The following CNBD1 variants were observed in gnomAD, a reference collection of about 807,000 sequenced individuals.
CNBD1 encodes cyclic nucleotide-binding domain-containing protein 1.
A neutral mutation model predicts 54.4 loss-of-function variants in CNBD1; 71 were observed. The ratio of observed to expected loss-of-function variants is 1.30; its 90% CI spans 1.08 to 1.59. The LOEUF is 1.59. Ranked by LOEUF, CNBD1 falls within the 40% of genes most tolerant of loss-of-function variation. The pLI is 0.00. For synonymous variants in CNBD1, 182 were observed against 170.7 expected (o/e 1.07, Z -0.51); for missense variants, 659 against 518.0 (o/e 1.27, Z -2.64).
At chr8:86,931,483 T>TC (rs991171703) in intron 3 of CNBD1, among the ~76,000 whole-genome samples, 1 of 151,826 alleles carries the variant, frequency 6.6e-6, no homozygotes, top group Non-Finnish European at 1.5e-5. Flanking sequence ...TGCACATTTT[T>TC]TTTTAAGTGT....
At chr8:87,258,493 G>A (rs763298376) in intron 6 of CNBD1, among the ~76,000 whole-genome samples, 7 of 151,344 alleles carry the variant, frequency 4.6e-5, no homozygotes, top group African/African-American at 1.7e-4. Context: ...GTATGATCTC[G>A]ACTCACTGCA....
intron 8 of CNBD1, among the ~76,000 whole-genome samples, chr8:87,293,595 C>G (rs951610372): frequency 1.3e-5 from 2 of 152,130 alleles, no homozygotes; most frequent in Non-Finnish European, 2.9e-5. Flanking sequence ...AGTAACTACA[C>G]TGTACTCCTT....
chr8:87,138,415 C>T (rs139379621), intron 4 of CNBD1, among the ~76,000 whole-genome samples: 1 of 152,268 alleles, frequency 6.6e-6, no homozygotes, highest in African/African-American at 2.4e-5. Flanking sequence ...GTCAAAGATC[C>T]TTGTCAGCAA....
At chr8:87,334,181 A>G (rs189961143) in intron 8 of CNBD1, among the ~76,000 whole-genome samples, 85 of 152,190 alleles carry the variant, frequency 5.6e-4, no homozygotes, top group Non-Finnish European at 2.2e-4. Context: ...AGGTGTTTAT[A>G]CCATTCTCTG....
chr8:87,057,720 A>G (rs571055289), intron 4 of CNBD1, among the ~76,000 whole-genome samples: 1 of 152,220 alleles, frequency 6.6e-6, no homozygotes, highest in Admixed American at 6.5e-5. Context: ...ATGGTGGTAC[A>G]TACCTGTAAT....
At chr8:86,871,687 C>T (rs779640340) in intron 1 of CNBD1, among the ~76,000 whole-genome samples, 2 of 152,176 alleles carry the variant, frequency 1.3e-5, no homozygotes, top group Non-Finnish European at 2.9e-5. Context: ...AAAGGTTAAA[C>T]ATTCAGATGG....
intron 4 of CNBD1, among the ~76,000 whole-genome samples, chr8:87,019,092 T>C (rs886746413): frequency 6.6e-6 from 1 of 151,644 alleles, no homozygotes; most frequent in African/African-American, 2.4e-5. Context: ...ATATATTTAA[T>C]TTTTCAGAAC....
At chr8:86,896,628 C>T (rs1283500826) in intron 2 of CNBD1, among the ~76,000 whole-genome samples, 1 of 152,018 alleles carries the variant, frequency 6.6e-6, no homozygotes, top group Non-Finnish European at 1.5e-5. Context: ...TAAAAATCTA[C>T]TAATTTTTTA....
intron 2 of CNBD1, among the ~76,000 whole-genome samples, chr8:86,890,772 C>T (rs1280926411): frequency 1.3e-5 from 2 of 152,068 alleles, no homozygotes; most frequent in East Asian, 3.9e-4. Flanking sequence ...TTTTTGATAA[C>T]AGCCATTCTA....
At chr8:86,960,086 G>A (rs1799366703) in intron 4 of CNBD1, among the ~76,000 whole-genome samples, 1 of 152,170 alleles carries the variant, frequency 6.6e-6, no homozygotes, top group Non-Finnish European at 1.5e-5. Context: ...CACAAGATGG[G>A]TGATTTGTGC....
At chr8:86,970,665 A>C (rs1404122013) in intron 4 of CNBD1, among the ~76,000 whole-genome samples, 1 of 152,062 alleles carries the variant, frequency 6.6e-6, no homozygotes, top group Non-Finnish European at 1.5e-5. Context: ...GTTCCTATGT[A>C]TGTAGTGTTT....
chr8:87,406,956 C>G (rs1047499006), intron 2 of CNBD1, among the ~76,000 whole-genome samples: 1 of 151,952 alleles, frequency 6.6e-6, no homozygotes, highest in Non-Finnish European at 1.5e-5. Context: ...GGAAGTTATC[C>G]TTTATAGTTT....
chr8:87,177,370 T>C (rs1277689683), intron 4 of CNBD1, among the ~76,000 whole-genome samples: 2 of 152,202 alleles, frequency 1.3e-5, no homozygotes, highest in Non-Finnish European at 2.9e-5. Context: ...TGAAAACTAA[T>C]TTATAAAATA....
chr8:87,249,173 A>G (rs1460206040), intron 6 of CNBD1, among the ~76,000 whole-genome samples: 1 of 152,132 alleles, frequency 6.6e-6, no homozygotes, highest in Non-Finnish European at 1.5e-5. Context: ...TCCACGTCAG[A>G]TCATCAGGCA....
At chr8:87,255,436 T>A (rs1374221914) in intron 6 of CNBD1, among the ~76,000 whole-genome samples, 1 of 152,110 alleles carries the variant, frequency 6.6e-6, no homozygotes, top group African/African-American at 2.4e-5. Context: ...GAAGAAATGA[T>A]TATAGTTTTT....
intron 2 of CNBD1, among the ~76,000 whole-genome samples, chr8:87,389,239 A>T (rs1426093591): frequency 6.6e-6 from 1 of 152,192 alleles, no homozygotes; most frequent in Non-Finnish European, 1.5e-5. Flanking sequence ...TAGTGTTGGA[A>T]GTTCTGGCCA....
chr8:87,335,592 G>T (rs182145719), intron 8 of CNBD1, among the ~76,000 whole-genome samples: 1 of 151,768 alleles, frequency 6.6e-6, no homozygotes, highest in Admixed American at 6.6e-5. Flanking sequence ...TTGAGCCTAC[G>T]TGTGTCTTTG....
intron 2 of CNBD1, among the ~76,000 whole-genome samples, chr8:87,421,712 G>C (rs1807942717): frequency 6.7e-6 from 1 of 150,342 alleles, no homozygotes; most frequent in Non-Finnish European, 1.5e-5. Context: ...CTTTGCTATT[G>C]TGAATAATGC....
intron 4 of CNBD1, among the ~76,000 whole-genome samples, chr8:87,122,041 T>C (rs143653210): frequency 6.6e-6 from 1 of 151,864 alleles, no homozygotes; most frequent in East Asian, 1.9e-4. Flanking sequence ...AATGCTGGTA[T>C]CTCTTTAATG....
Sources: allele counts gnomAD v4.1 joint callset (sites outside exome capture counted in the v4.1 genomes callset), GRCh38; gene constraint gnomAD v4.1.1; transcripts MANE v1.5; gene names NCBI Gene and HGNC (gene_info 2026-07-23, HGNC 2026-07-21).